Variants in MOV10L1 observed in about 807,000 individuals in gnomAD.
MOV10L1 encodes RNA helicase Mov10l1.
Under a neutral mutation model 143.8 loss-of-function variants are expected in MOV10L1, and 110 were observed. The ratio of observed to expected loss-of-function variants is 0.76; its 90% CI spans 0.66 to 0.90. The LOEUF is 0.90. Among genes scored for constraint, MOV10L1 ranks in the 40% least tolerant of loss-of-function variants. MOV10L1 has a pLI of 0.00. For missense variants in MOV10L1, 1,406 were observed against 1,526.8 expected (o/e 0.92, Z 1.32); for synonymous variants, 593 against 581.1 (o/e 1.02, Z -0.29).
At chr22:50,104,069 G>A (rs1008416117) in intron 3 of MOV10L1, among the ~76,000 whole-genome samples, 1 of 152,086 alleles carries the variant, frequency 6.6e-6, no homozygotes, top group African/African-American at 2.4e-5. Flanking sequence ...AGATCGTCAG[G>A]CATTAGATTC....
intron 13 of MOV10L1, among the ~76,000 whole-genome samples, chr22:50,131,047 C>T (rs985599156): frequency 2.0e-5 from 3 of 150,530 alleles, no homozygotes; most frequent in Non-Finnish European, 4.4e-5. Flanking sequence ...CAGGTGCCCA[C>T]CACCACGCCC....
intron 1 of MOV10L1, chr22:50,090,528 C>A: frequency 6.2e-7 from 1 of 1,606,558 alleles, no homozygotes; most frequent in Middle Eastern, 1.7e-4. Flanking sequence ...TCTAGAAAGC[C>A]CCGAAAAACG....
intron 5 of MOV10L1, 82 bp downstream of exon 5, chr22:50,108,926 C>G: frequency 1.4e-6 from 2 of 1,393,224 alleles, no homozygotes; most frequent in Non-Finnish European, 2.0e-6. Flanking sequence ...AGACGGATCA[C>G]CTGAGGTTGG....
chr22:50,144,169 C>A lies in MOV10L1; in HGVS notation c.2431C>A (p.Leu811Met). ...CAACAGTGCTGCTGACCTCGTGTGT[C>A]TGCGGCTGCACGAGAGCAAGGTGCT... is the stretch of plus-strand genomic sequence containing the variant. ...PSNSAADLVCLRLHESKVLQP... is the reference protein window; with the variant it reads ...PSNSAADLVCMRLHESKVLQP... The change falls in exon 18 of 27, where the codon CTG becomes ATG. Residue 811 changes from leucine to methionine, a missense_variant. By Grantham distance (15) the Leu-to-Met change is conservative (BLOSUM62 2). This residue lies in a region of MOV10L1 where 1,233 missense variants were observed against 1,351.4 expected (regional missense o/e 0.91). Transcript: ENST00000262794. 1 of 1,613,442 alleles carries A rather than the reference C, an allele frequency of 6.2e-7. No homozygotes were observed.
intron 3 of MOV10L1, among the ~76,000 whole-genome samples, chr22:50,106,639 A>T (rs2061874314): frequency 6.6e-6 from 1 of 151,892 alleles, no homozygotes; most frequent in South Asian, 2.1e-4. Context: ...TGGTTTACAA[A>T]ACGCTGTATA....
chr22:50,136,211 T>G (rs750859776), intron 15 of MOV10L1, among the ~76,000 whole-genome samples: 5 of 152,178 alleles, frequency 3.3e-5, no homozygotes, highest in Non-Finnish European at 5.9e-5. Context: ...GCTTTTCTTC[T>G]CCGTCATCAC....
chr22:50,108,622 T>C, intron 4 of MOV10L1, 35 bp from the exon 5 acceptor site: 1 of 1,610,530 alleles, frequency 6.2e-7, no homozygotes, highest in Non-Finnish European at 8.5e-7. Context: ...TCATGCAGCA[T>C]CTGCTTCCTG....
At chr22:50,122,177 G>T (rs986294162) in intron 10 of MOV10L1, among the ~76,000 whole-genome samples, 3 of 152,126 alleles carry the variant, frequency 2.0e-5, no homozygotes. Context: ...AATCCTCCAG[G>T]CTATGAACAT....
chr22:50,159,619 A>G lies in MOV10L1; in HGVS notation c.3217-59A>G. On this transcript the variant is annotated intron_variant, in intron 23 of 26. Transcript: ENST00000262794. The surrounding 1 kb of genome is among the most constrained non-coding windows in gnomAD (Gnocchi z 4.1). ...TCCATCTCAAAAAAAAAAAAGGAAA[A>G]GAAAAGAAATGGATTTGTACAGTGT... 1 of 1,213,708 alleles carries G rather than the reference A, an allele frequency of 8.2e-7. No homozygotes were observed. The highest frequency in any genetic ancestry group is 1.2e-6 in the Non-Finnish European group (1 of 852,422). The allele number at this position is 1,213,708 out of a possible 1,614,324, so 75.2% of individuals were successfully genotyped here.
chr22:50,125,622 T>G (rs946274251), intron 11 of MOV10L1, 53 bp downstream of exon 11: 6 of 1,542,992 alleles, frequency 3.9e-6, no homozygotes, highest in Non-Finnish European at 5.3e-6. Flanking sequence ...GAAACCATAC[T>G]TGAGAGAAGA....
intron 22 of MOV10L1, among the ~76,000 whole-genome samples, chr22:50,154,792 CT>C (rs2063385337): frequency 6.6e-6 from 1 of 152,186 alleles, no homozygotes; most frequent in African/African-American, 2.4e-5. Flanking sequence ...ACTGCTTTAT[CT>C]TCCTCATTAT....
At chr22:50,126,600 C>T (rs2062513320) in intron 12 of MOV10L1, among the ~76,000 whole-genome samples, 1 of 151,772 alleles carries the variant, frequency 6.6e-6, no homozygotes, top group Admixed American at 6.5e-5. Context: ...TATGAGTTTG[C>T]AGCTCTGATG....
intron 15 of MOV10L1, among the ~76,000 whole-genome samples, chr22:50,139,253 C>T (rs141934060): frequency 6.3e-4 from 96 of 152,040 alleles, no homozygotes; most frequent in African/African-American, 2.1e-3. Flanking sequence ...GGTTTATAGC[C>T]GCAATGTCAA....
At chr22:50,126,296 G>C (rs1360878599) in intron 12 of MOV10L1, 24 bp downstream of exon 12, 2 of 1,570,722 alleles carry the variant, frequency 1.3e-6, no homozygotes, top group Non-Finnish European at 1.8e-6. Context: ...CTCTTAATGA[G>C]TTTGTGTTAG....
At chr22:50,155,673 A>C (rs2063407524) in intron 22 of MOV10L1, among the ~76,000 whole-genome samples, 1 of 152,120 alleles carries the variant, frequency 6.6e-6, no homozygotes, top group South Asian at 2.1e-4. Context: ...ACGGGGTTTC[A>C]CCATGTTGGC....
chr22:50,107,896 G>A (rs534302728), intron 3 of MOV10L1, among the ~76,000 whole-genome samples: 3 of 152,332 alleles, frequency 2.0e-5, no homozygotes, highest in Middle Eastern at 3.4e-3. Flanking sequence ...CATGCACACT[G>A]CACCTTCTAG....
chr22:50,113,529 GC>G (rs1339521910), intron 5 of MOV10L1, 118 bp from the exon 6 acceptor site: 2 of 1,359,946 alleles, frequency 1.5e-6, no homozygotes, highest in Non-Finnish European at 2.0e-6. Context: ...TGGAAGCCCT[GC>G]CTGTGGTGAG....
chr22:50,114,991 C>T lies in MOV10L1; in HGVS notation c.1127-123C>T, dbSNP rs926124461. 61 of 1,098,922 alleles carry T rather than the reference C, an allele frequency of 5.6e-5. 1 individual carries two copies. Among genetic ancestry groups the T allele is most frequent in the South Asian group, 1.1e-4 (7 of 60,982 alleles). 68.1% of individuals were successfully genotyped at this position (1,098,922 alleles called of 1,614,324 possible). On this transcript the variant is annotated intron_variant, in intron 7 of 26. Coordinates refer to ENST00000262794, the MANE Select transcript of MOV10L1 (RefSeq NM_018995.3). The stretch of plus-strand genomic sequence containing the variant: ...CCAGCCACCACCTGAGGCTTTGCCC[C>T]GTGTTTTTGTGTGCATCTGTCTTTG...
intron 10 of MOV10L1, 149 bp downstream of exon 10, chr22:50,120,765 C>T (rs2062316820): frequency 4.7e-6 from 3 of 632,514 alleles, no homozygotes; most frequent in African/African-American, 3.7e-5. Flanking sequence ...ACTGCCTGGC[C>T]GTGAGGGATG....
Sources: gnomAD v4.1 joint callset for allele counts (sites outside exome capture counted in the v4.1 genomes callset) on GRCh38, gnomAD v4.1.1 for gene constraint, gnomAD v4.1.1 regional missense constraint, Gnocchi (gnomAD v3.1) non-coding constraint, MANE v1.5 for transcripts, NCBI Gene and HGNC (gene_info 2026-07-23, HGNC 2026-07-21) for gene names.